The following BEGAIN variants were observed in gnomAD, a reference collection of about 807,000 sequenced individuals.
The protein encoded by BEGAIN is brain enriched guanylate kinase associated, also known as brain-enriched guanylate kinase-associated protein.
Under a neutral mutation model 35.8 loss-of-function variants are expected in BEGAIN, and 19 were observed. The ratio of observed to expected loss-of-function variants is 0.53; its 90% CI spans 0.37 to 0.78. The LOEUF is 0.78. Among genes scored for constraint, BEGAIN ranks in the 30% least tolerant of loss-of-function variants. The pLI, the probability that BEGAIN is intolerant of heterozygous loss-of-function variation, is 0.00. For synonymous variants in BEGAIN, 462 were observed against 388.6 expected (o/e 1.19, Z -2.22); for missense variants, 795 against 853.6 (o/e 0.93, Z 0.85).
chr14:100,576,847 A>G (rs1003461866), intron 1 of BEGAIN, among the ~76,000 whole-genome samples: 2 of 152,176 alleles, frequency 1.3e-5, no homozygotes, highest in African/African-American at 4.8e-5. Context: ...ACGGGGTACG[A>G]GGAAAGAGCT....
intron 2 of BEGAIN, 135 bp from the exon 3 acceptor site, chr14:100,546,797 C>T (rs981599771): frequency 4.7e-6 from 3 of 635,978 alleles, no homozygotes; most frequent in Non-Finnish European, 7.3e-6. Context: ...CACACACACA[C>T]ACACACACAC....
At chr14:100,554,654 C>T (rs913012881) in intron 2 of BEGAIN, among the ~76,000 whole-genome samples, 6 of 152,116 alleles carry the variant, frequency 3.9e-5, no homozygotes, top group Non-Finnish European at 5.9e-5. Context: ...CCAGCCCACT[C>T]CCCACCAGCC....
chr14:100,577,352 G>C (rs866333490), intron 1 of BEGAIN: 19 of 399,126 alleles, frequency 4.8e-5, no homozygotes, highest in Middle Eastern at 6.3e-4. Context: ...CGGCCTCCAC[G>C]CTTGCCACTG....
Position 100,538,400 on chromosome 14 carries a change from C to T in BEGAIN, c.1408G>A (p.Gly470Arg), listed in dbSNP as rs1461821739. 1 of 1,548,196 alleles carries T rather than the reference C, an allele frequency of 6.5e-7. No homozygotes were observed. The highest frequency in any genetic ancestry group is 1.2e-5 in the South Asian group (1 of 82,604). The change falls in exon 7 of 7, where the codon GGG (glycine) becomes AGG (arginine). Residue 470 changes from glycine to arginine, a missense_variant. By Grantham distance (125) the Gly-to-Arg change is moderately radical (BLOSUM62 -2). Transcript: ENST00000554140. ...PCSFSERYYG[G>R]AGGSPGKKAD... ...TTCTTGCCCGGGCTGCCCCCGGCCC[C>T]GCCGTAGTAGCGTTCAGAGAAGCTG... is the stretch of plus-strand genomic sequence containing the variant.
chr14:100,569,847 A>ACCCCCTCCGC (rs2035014899), intron 1 of BEGAIN: 2 of 153,682 alleles, frequency 1.3e-5, no homozygotes, highest in African/African-American at 2.4e-5. Context: ...AATGAGGAAA[A>ACCCCCTCCGC]CCCCCTCCGC....
At chr14:100,545,230 G>A (rs2032214071) in intron 3 of BEGAIN, 164 bp from the exon 4 acceptor site, 4 of 1,455,050 alleles carry the variant, frequency 2.7e-6, no homozygotes, top group Non-Finnish European at 3.6e-6. Context: ...ACACAGCAGA[G>A]AACATCCCAT....
At chr14:100,553,837 C>G (rs959001784) in intron 2 of BEGAIN, among the ~76,000 whole-genome samples, 8 of 152,208 alleles carry the variant, frequency 5.3e-5, no homozygotes, top group Middle Eastern at 3.2e-3. Context: ...TCCAGCAAGC[C>G]CACTCCACAA....
intron 1 of BEGAIN, among the ~76,000 whole-genome samples, chr14:100,582,552 T>C (rs1212491007): frequency 6.6e-6 from 1 of 152,230 alleles, no homozygotes; most frequent in Non-Finnish European, 1.5e-5. Flanking sequence ...TTTTCCACGC[T>C]GGCCTCAGAA....
Position 100,537,992 on chromosome 14 carries a change from G to T in BEGAIN, c.1816C>A (p.Leu606Ile). Residue 606 changes from leucine to isoleucine, a missense_variant, in exon 7 of 7, where the codon CTC (leucine) becomes ATC (isoleucine). Transcript: ENST00000554140. The stretch of plus-strand genomic sequence containing the variant: ...GCTCAGTTGAGCAAGGTTCCGTAGA[G>T]CTGGGCCTTGGTGAGGCTGTCCTTG... ...SRKDSLTKAQ[L>I]YGTLLN 1 of 1,609,530 alleles carries T rather than the reference G, an allele frequency of 6.2e-7. No individual in the cohort carries two copies. The highest frequency in any genetic ancestry group is 8.5e-7 in the Non-Finnish European group (1 of 1,178,876).
Position 100,538,427 on chromosome 14 carries a change from A to G in BEGAIN, c.1381T>C (p.Cys461Arg). 1 of 1,585,774 alleles carries G rather than the reference A, an allele frequency of 6.3e-7. No individual in the cohort carries two copies. The highest frequency in any genetic ancestry group is 1.4e-5 in the African/African-American group (1 of 73,426). Residue 461 changes from cysteine to arginine, a missense_variant, in exon 7 of 7, where the codon TGC (cysteine) becomes CGC (arginine). By Grantham distance (180) the Cys-to-Arg change is radical (BLOSUM62 -3). This residue lies in a region of BEGAIN where 664 missense variants were observed against 647.7 expected (regional missense o/e 1.03). Transcript: ENST00000554140. ...PVSAAGRASP[C>R]SFSERYYGGA... ...CCGTAGTAGCGTTCAGAGAAGCTGC[A>G]GGGTGAGGCGCGGCCGGCAGCGCTC...
rs116963898 is a variant in BEGAIN, at chr14:100,577,766, G to T, written c.42+9483C>A. On this transcript the variant is annotated intron_variant, in intron 1 of 6. Coordinates refer to ENST00000554140, the MANE Select transcript of BEGAIN (RefSeq NM_001385089.1). ...TCCTGGCTGGACCGAGCTGCCCAGC[G>T]GTGGCAAGATGCTTTGCCCTTGGGG... 3,009 of 399,154 alleles carry T rather than the reference G, an allele frequency of 7.5e-3. 70 individuals are homozygous for T. The highest frequency in any genetic ancestry group is 0.063 in the East Asian group (1,756 of 28,074). The allele number at this position is 399,154 out of a possible 1,614,324, so 24.7% of individuals were successfully genotyped here.
chr14:100,539,653 C>T (rs2031261137), intron 6 of BEGAIN, among the ~76,000 whole-genome samples: 1 of 152,052 alleles, frequency 6.6e-6, no homozygotes, highest in Non-Finnish European at 1.5e-5. Flanking sequence ...GCTCCACCCC[C>T]CGCCACCCCC....
chr14:100,545,009 C>A lies in BEGAIN; in HGVS notation c.291G>T (p.Leu97=). 1 of 1,612,570 alleles carries A rather than the reference C, an allele frequency of 6.2e-7. No individual in the cohort carries two copies. The highest frequency in any genetic ancestry group is 8.5e-7 in the Non-Finnish European group (1 of 1,179,970). The stretch of plus-strand genomic sequence containing the variant: ...TGCGTGGCGGCCTCACCATGCGGTA[C>A]AGCTTGTCCTCCAGCTCCTGGTTGA... ...QRINQELEDK[L]YRMGQHYEEE... is the part of the protein sequence containing the mutation. Residue 97 remains leucine, a synonymous_variant, in exon 4 of 7, where the codon CTG becomes CTT. Transcript: ENST00000554140.
intron 1 of BEGAIN, among the ~76,000 whole-genome samples, chr14:100,570,333 G>A (rs771956024): frequency 6.6e-6 from 1 of 152,206 alleles, no homozygotes; most frequent in Admixed American, 6.5e-5. Flanking sequence ...AGCAGTGGGG[G>A]CTGGGCAGGG....
rs551245056 is a variant in BEGAIN, at chr14:100,577,925, G to A, written c.42+9324C>T. On this transcript the variant is annotated intron_variant, in intron 1 of 6. Coordinates refer to ENST00000554140, the MANE Select transcript of BEGAIN (RefSeq NM_001385089.1). ...CTGGGACAGGTAGGGTTAGAGCCCCGTGCCTGGGAGCTGGCCCCTGAGAGC... is the reference window on the plus strand; with the variant it reads ...CTGGGACAGGTAGGGTTAGAGCCCCATGCCTGGGAGCTGGCCCCTGAGAGC... The A allele has an allele frequency of 9.5e-4, 381 of 399,194 alleles. 2 individuals carry two copies. The highest frequency in any genetic ancestry group is 1.4e-3 in the Non-Finnish European group (313 of 226,182). The allele number at this position is 399,194 out of a possible 1,614,324, so 24.7% of individuals were successfully genotyped here.
rs1168785842 is a variant in BEGAIN at position 100,558,589 on chromosome 14, C to T, written c.71+9322G>A. Among the ~76,000 whole-genome samples the T allele has an allele frequency of 6.6e-6, 1 of 152,218 alleles. No homozygotes were observed. Among genetic ancestry groups the T allele is most frequent in the African/African-American group, 2.4e-5 (1 of 41,458 alleles). ...CATTGCCTCACCTTTGTCTCATGGGCAGCACAGATCTGCTGGGCGCAGCTG... is the reference window on the plus strand; with the variant it reads ...CATTGCCTCACCTTTGTCTCATGGGTAGCACAGATCTGCTGGGCGCAGCTG... On this transcript the variant is annotated intron_variant, in intron 2 of 6. Transcript: ENST00000554140. This position sits in a 1 kb window ranked among gnomAD's most constrained non-coding sequence, Gnocchi z 4.6.
At chr14:100,570,701 GCT>G (rs1388038149) in intron 1 of BEGAIN, among the ~76,000 whole-genome samples, 2 of 152,250 alleles carry the variant, frequency 1.3e-5, no homozygotes, top group East Asian at 3.8e-4. Flanking sequence ...TAGCAGGGAA[GCT>G]CCCCTGGCCG....
chr14:100,580,785 G>C (rs1235780320), intron 1 of BEGAIN, among the ~76,000 whole-genome samples: 1 of 152,224 alleles, frequency 6.6e-6, no homozygotes, highest in Non-Finnish European at 1.5e-5. Flanking sequence ...CACATAGCAG[G>C]TGCTCAATGC....
chr14:100,550,297 GCCTTCA>G (rs1335771993), intron 2 of BEGAIN: 6 of 396,756 alleles, frequency 1.5e-5, no homozygotes, highest in Non-Finnish European at 2.7e-5. Context: ...GCCGGCCCAC[GCCTTCA>G]CCTTCACCTT....
Sources: allele counts gnomAD v4.1 joint callset (sites outside exome capture counted in the v4.1 genomes callset), GRCh38; gene constraint gnomAD v4.1.1; regional missense constraint gnomAD v4.1.1; non-coding constraint Gnocchi (gnomAD v3.1); transcripts MANE v1.5; gene names NCBI Gene and HGNC (gene_info 2026-07-23, HGNC 2026-07-21).